The following FAM135A variants were observed in gnomAD, a reference collection of about 807,000 sequenced individuals.
The protein encoded by FAM135A is protein FAM135A.
In FAM135A, 79 loss-of-function variants were observed where a neutral mutation model predicts 146.8. The ratio of observed to expected loss-of-function variants is 0.54; its 90% confidence interval spans 0.45 to 0.65. The LOEUF (loss-of-function observed/expected upper bound fraction) is 0.65, where lower values mean the gene tolerates loss of function less well. Among genes scored for constraint, FAM135A ranks in the 30% least tolerant of loss-of-function variants. The probability of loss-of-function intolerance (pLI) is 0.00; values close to 1 mark genes in which losing one functional copy is unlikely to be tolerated. For synonymous variants in FAM135A, 562 were observed against 603.6 expected (o/e 0.93, Z 1.01); for missense variants, 1,623 against 1,758.2 (o/e 0.92, Z 1.38).
intron 4 of FAM135A, among the ~76,000 whole-genome samples, chr6:70,435,920 A>G (rs1773005857): frequency 6.6e-6 from 1 of 152,160 alleles, no homozygotes; most frequent in African/African-American, 2.4e-5. Context: ...GTGGTGGCTC[A>G]CGCCTGTGAT....
intron 20 of FAM135A, among the ~76,000 whole-genome samples, chr6:70,545,875 G>A (rs1165646565): frequency 6.6e-6 from 1 of 152,132 alleles, no homozygotes; most frequent in Non-Finnish European, 1.5e-5. Flanking sequence ...GTAAGCATTC[G>A]TGCATGGTTC....
intron 5 of FAM135A, among the ~76,000 whole-genome samples, chr6:70,464,654 C>CTTTTTTT (rs1780028401): frequency 7.6e-6 from 1 of 131,846 alleles, no homozygotes; most frequent in African/African-American, 3.2e-5. Flanking sequence ...TTCTTTCTTT[C>CTTTTTTT]TTTCTTTTTT....
chr6:70,448,360 G>A (rs1427196566), intron 4 of FAM135A, among the ~76,000 whole-genome samples: 1 of 152,126 alleles, frequency 6.6e-6, no homozygotes, highest in Non-Finnish European at 1.5e-5. Flanking sequence ...GTGTGAAAGT[G>A]TTCCAAGGTG....
chr6:70,474,280 C>CT (rs200432127), intron 5 of FAM135A, among the ~76,000 whole-genome samples: 5 of 149,650 alleles, frequency 3.3e-5, no homozygotes, highest in East Asian at 2.0e-4. Context: ...TTTTCTTTTT[C>CT]TTTTTTTTCT....
chr6:70,502,881 A>G (rs931781767), intron 12 of FAM135A, 90 bp downstream of exon 12: 4 of 1,269,602 alleles, frequency 3.2e-6, no homozygotes, highest in Non-Finnish European at 3.3e-6. Context: ...ATTTTTACCT[A>G]TATATTGATA....
At chr6:70,424,495 A>G (rs1769582444) in intron 2 of FAM135A, among the ~76,000 whole-genome samples, 1 of 152,154 alleles carries the variant, frequency 6.6e-6, no homozygotes, top group Non-Finnish European at 1.5e-5. Flanking sequence ...GCACATCCTC[A>G]TCCCTCATTT....
intron 20 of FAM135A, among the ~76,000 whole-genome samples, chr6:70,547,538 C>T (rs1463247522): frequency 2.6e-5 from 4 of 152,142 alleles, no homozygotes; most frequent in East Asian, 1.9e-4. Context: ...ATACACTTTT[C>T]CACCTTCAGC....
chr6:70,465,174 T>C (rs1218214726), intron 5 of FAM135A, among the ~76,000 whole-genome samples: 1 of 152,008 alleles, frequency 6.6e-6, no homozygotes, highest in African/African-American at 2.4e-5. Context: ...CATAATGTCC[T>C]TAAGGTTTTT....
intron 20 of FAM135A, among the ~76,000 whole-genome samples, chr6:70,540,900 C>T (rs1797797239): frequency 1.3e-5 from 2 of 152,188 alleles, no homozygotes; most frequent in Admixed American, 6.5e-5. Flanking sequence ...CCCTTAGACA[C>T]TCTCCCAAAG....
At chr6:70,478,920 A>G (rs938760418) in intron 8 of FAM135A, among the ~76,000 whole-genome samples, 1 of 152,110 alleles carries the variant, frequency 6.6e-6, no homozygotes, top group Non-Finnish European at 1.5e-5. Flanking sequence ...TTTTCTAACA[A>G]AGTGTGTTTT....
chr6:70,480,009 C>T (rs945541651), intron 8 of FAM135A, among the ~76,000 whole-genome samples: 2 of 152,146 alleles, frequency 1.3e-5, no homozygotes, highest in Non-Finnish European at 2.9e-5. Flanking sequence ...ATGGATTTTG[C>T]AAGCAAAACC....
intron 11 of FAM135A, among the ~76,000 whole-genome samples, chr6:70,491,589 A>G (rs931218956): frequency 2.0e-5 from 3 of 151,956 alleles, no homozygotes; most frequent in Non-Finnish European, 4.4e-5. Context: ...AGCTACATTA[A>G]TGGAAGAAAT....
At chr6:70,538,197 T>G (rs1002436713) in intron 19 of FAM135A, 94 bp from the exon 20 acceptor site, 1 of 728,472 alleles carries the variant, frequency 1.4e-6, no homozygotes, top group African/African-American at 1.8e-5. Flanking sequence ...GGCAATGTCA[T>G]CTTTTGAAGT....
intron 21 of FAM135A, 93 bp from the exon 22 acceptor site, chr6:70,559,623 C>A: frequency 9.4e-7 from 1 of 1,067,994 alleles, no homozygotes; most frequent in Non-Finnish European, 1.3e-6. Context: ...AATAATGTAA[C>A]TAAATTTTAT....
At chr6:70,488,532 T>C (rs1340646382) in intron 10 of FAM135A, among the ~76,000 whole-genome samples, 1 of 150,252 alleles carries the variant, frequency 6.7e-6, no homozygotes, top group East Asian at 2.0e-4. Context: ...TATAAATGGA[T>C]ATACAGTATA....
chr6:70,426,019 C>T (rs969827054), intron 2 of FAM135A, among the ~76,000 whole-genome samples: 3 of 151,580 alleles, frequency 2.0e-5, no homozygotes, highest in African/African-American at 7.3e-5. Flanking sequence ...AGGAGAATGG[C>T]GTGAACCCGG....
intron 14 of FAM135A, 47 bp downstream of exon 14, chr6:70,524,168 A>G (rs180722195): frequency 6.5e-7 from 1 of 1,533,536 alleles, no homozygotes. Flanking sequence ...TATAGTTTTC[A>G]GTATATTCTT....
intron 2 of FAM135A, among the ~76,000 whole-genome samples, chr6:70,416,745 G>A (rs1178060156): frequency 1.3e-5 from 2 of 152,162 alleles, no homozygotes; most frequent in African/African-American, 2.4e-5. Context: ...GGGCAACAGA[G>A]CGAAACCCTC....
chr6:70,525,411 C>A lies in FAM135A; in HGVS notation c.2327C>A (p.Pro776Gln). Residue 776 changes from proline (P) to glutamine (Q), a missense_variant, in exon 15 of 22, where the codon CCG becomes CAG. By Grantham distance (76) the Pro-to-Gln change is moderately conservative. Around this residue, in one of 7 missense-constraint regions of FAM135A, gnomAD observed 1,061 missense variants for 1,113.8 expected, o/e 0.95. Transcript: ENST00000418814. ...RFSDSGVESE[P>Q]SSFATHPNTD... The stretch of plus-strand genomic sequence containing the variant: ...TCAGATTCAGGTGTTGAAAGTGAAC[C>A]GAGTTCTTTTGCGACACATCCAAAC... 6.2e-7 allele frequency: 1 copy of A among 1,613,594 alleles called. No individual in the cohort carries two copies. The highest frequency in any genetic ancestry group is 1.6e-4 in the Middle Eastern group (1 of 6,062).
Sources: allele counts gnomAD v4.1 joint callset (sites outside exome capture counted in the v4.1 genomes callset), GRCh38; gene constraint gnomAD v4.1.1; regional missense constraint gnomAD v4.1.1; transcripts MANE v1.5; gene names NCBI Gene and HGNC (gene_info 2026-07-23, HGNC 2026-07-21).